PLA2R1: variants seen among roughly 807,000 people sequenced by gnomAD.
The protein encoded by PLA2R1 is phospholipase A2 receptor 1.
Under a neutral mutation model 195.9 loss-of-function variants are expected in PLA2R1, and 158 were observed. The ratio of observed to expected loss-of-function variants is 0.81; its 90% CI spans 0.71 to 0.92. PLA2R1 has a LOEUF of 0.92. Among genes scored for constraint, PLA2R1 ranks in the 40% least tolerant of loss-of-function variants. PLA2R1 has a pLI of 0.00. For synonymous variants in PLA2R1, 586 were observed against 598.2 expected, an observed-to-expected ratio of 0.98 and a Z score of 0.30; for missense variants, 1,626 against 1,764.6, an observed-to-expected ratio of 0.92 and a Z score of 1.41.
intron 10 of PLA2R1, among the ~76,000 whole-genome samples, chr2:160,009,746 AGTG>A (rs1342811721): frequency 6.6e-6 from 1 of 152,148 alleles, no homozygotes; most frequent in Admixed American, 6.5e-5. Context: ...TAACTGCAAA[AGTG>A]TTTTGGGGAG....
chr2:159,954,022 C>T (rs529304865), intron 23 of PLA2R1, among the ~76,000 whole-genome samples: 41 of 152,160 alleles, frequency 2.7e-4, no homozygotes, highest in African/African-American at 9.6e-4. Flanking sequence ...TTAGTAGAGA[C>T]GGGGTTTCAC....
At chr2:159,975,852 A>G (rs1316039383) in intron 17 of PLA2R1, among the ~76,000 whole-genome samples, 1 of 152,188 alleles carries the variant, frequency 6.6e-6, no homozygotes, top group African/African-American at 2.4e-5. Context: ...GAAATGACTG[A>G]GCAATACAGT....
At chr2:159,983,023 A>T (rs532166671) in intron 13 of PLA2R1, among the ~76,000 whole-genome samples, 1 of 152,318 alleles carries the variant, frequency 6.6e-6, no homozygotes, top group Non-Finnish European at 1.5e-5. Flanking sequence ...TGACAAGAAC[A>T]TTCCAAAGTG....
Position 160,005,728 on chromosome 2 carries a change from C to G in PLA2R1, c.1758G>C (p.Thr586=). 2 of 1,613,560 alleles carry G rather than the reference C, an allele frequency of 1.2e-6. No individual in the cohort carries two copies. The highest frequency in any genetic ancestry group is 1.7e-6 in the Non-Finnish European group (2 of 1,179,550). Residue 586 remains threonine (T), a synonymous_variant, in exon 11 of 30, where the codon ACG becomes ACC. Transcript: ENST00000283243. The part of the protein sequence containing the change: ...FWIALQDQND[T]GEYTWKPVGQ... ...CTACTGGCTTCCAAGTGTATTCTCC[C>G]GTATCATTTTGGTCCTGAAGAGCTA...
Position 159,951,417 on chromosome 2 carries a change from G to A in PLA2R1, c.3463C>T (p.Gln1155Ter). ...ACAGTGAGGAAGGACTGGTGATACT[G>A]GTCTGTGATGCTGACCAGTTGTGCT... ...HKAQLVSITD[Q>*]YHQSFLTVVL... is the part of the protein sequence containing the mutation. The change falls in exon 24 of 30, where the codon CAG becomes TAG. Residue 1155 changes from glutamine (Q) to a stop codon, truncating the protein, a stop_gained. Coordinates refer to ENST00000283243, the MANE Select transcript of PLA2R1 (RefSeq NM_007366.5). LOFTEE classifies it high-confidence loss of function. The A allele has an allele frequency of 4.3e-6, 7 of 1,613,854 alleles. No individual in the cohort carries two copies. The highest frequency in any genetic ancestry group is 5.9e-6 in the Non-Finnish European group (7 of 1,179,814).
rs577584918 is a variant in PLA2R1 at position 159,964,452 on chromosome 2, T to C, written c.2904+3087A>G. On this transcript the variant is annotated intron_variant, in intron 20 of 29. Transcript: ENST00000283243. ...ATTGCCAAAGGTTTTAATAAAAGAC[T>C]TAGTAACACTCAGTGTCTTATTGAA... is the stretch of plus-strand genomic sequence containing the variant. Among the ~76,000 whole-genome samples, 5 of 152,324 alleles carry C rather than the reference T, an allele frequency of 3.3e-5. No homozygotes were observed. In the South Asian group the frequency reaches 1.0e-3, roughly 32 times the overall value.
At chr2:160,050,269 GC>G (rs74639526) in intron 1 of PLA2R1, among the ~76,000 whole-genome samples, 23,597 of 152,200 alleles carry the variant, frequency 0.16, 2,293 homozygotes, top group East Asian at 0.36. Flanking sequence ...CAGACTCTGA[GC>G]GGGGAGTGTG....
At chr2:160,031,432 G>A (rs1693842234) in intron 4 of PLA2R1, among the ~76,000 whole-genome samples, 1 of 152,160 alleles carries the variant, frequency 6.6e-6, no homozygotes, top group Admixed American at 6.5e-5. Flanking sequence ...AAAATAACCA[G>A]ATTACCAAAC....
rs1686636874 is a variant in PLA2R1 at position 159,932,680 on chromosome 2, T to C, written c.*9098A>G. ...AAGAAGGTAAAAAGTAAAGTTTAAATAATCTCTTAGAAGTAGGAACTCAAG... is the reference window on the plus strand; with the variant it reads ...AAGAAGGTAAAAAGTAAAGTTTAAACAATCTCTTAGAAGTAGGAACTCAAG... On this transcript the variant is annotated 3_prime_UTR_variant, in exon 30 of 30. Coordinates refer to ENST00000283243, the MANE Select transcript of PLA2R1 (RefSeq NM_007366.5). The C allele has an allele frequency of 6.6e-6, 1 of 152,168 alleles. No individual in the cohort carries two copies. Among genetic ancestry groups the C allele is most frequent in the Non-Finnish European group, 1.5e-5 (1 of 68,036 alleles). 9.4% of individuals were successfully genotyped at this position (152,168 alleles called of 1,614,324 possible). A position where few individuals can be genotyped will look rare whatever the true frequency, so the allele number is the denominator to read the frequency against.
intron 20 of PLA2R1, among the ~76,000 whole-genome samples, chr2:159,962,580 C>A (rs868819443): frequency 8.5e-5 from 13 of 152,348 alleles, no homozygotes; most frequent in African/African-American, 2.6e-4. Context: ...AAGACACATG[C>A]ACATGTTTGT....
rs71000325 is a variant in PLA2R1 at position 160,013,721 on chromosome 2, C to CTG, written c.1552-348_1552-347dup. Reference sequence around the variant, plus strand: ...TCTCTCTGTCTCTCTCTCTCTCTCTCTGTGTGTGTGTGTGTGTGTGTGTGT... The same window carrying CTG: ...TCTCTCTGTCTCTCTCTCTCTCTCTCTGTGTGTGTGTGTGTGTGTGTGTGTGT... On this transcript the variant is annotated intron_variant, in intron 9 of 29. Transcript: ENST00000283243. Among the ~76,000 whole-genome samples, 597 of 116,654 alleles carry CTG rather than the reference C, an allele frequency of 5.1e-3. 7 individuals carry two copies. The highest frequency in any genetic ancestry group is 0.032 in the South Asian group (112 of 3,538). The allele number at this position is 116,654 out of a possible 152,430, so 76.5% of individuals were successfully genotyped here.
intron 13 of PLA2R1, among the ~76,000 whole-genome samples, chr2:159,981,723 T>TA (rs1429540476): frequency 6.6e-6 from 1 of 152,188 alleles, no homozygotes; most frequent in African/African-American, 2.4e-5. Context: ...TTAAATATTT[T>TA]ATTTAAAGAC....
chr2:159,976,638 T>C (rs1318080347), intron 16 of PLA2R1, 47 bp downstream of exon 16: 13 of 1,156,686 alleles, frequency 1.1e-5, no homozygotes, highest in Non-Finnish European at 1.7e-5. Context: ...ACTTATATGG[T>C]ATATATTAAT....
intron 20 of PLA2R1, among the ~76,000 whole-genome samples, chr2:159,964,403 C>G (rs1382331019): frequency 6.6e-6 from 1 of 152,036 alleles, no homozygotes; most frequent in Non-Finnish European, 1.5e-5. Flanking sequence ...TTATTTAGGA[C>G]CATAAAGATG....
intron 14 of PLA2R1, among the ~76,000 whole-genome samples, chr2:159,977,959 A>T (rs954500207): frequency 2.0e-5 from 3 of 152,080 alleles, no homozygotes; most frequent in Non-Finnish European, 4.4e-5. Context: ...AATAAAAATT[A>T]AAAAAAGGTA....
intron 24 of PLA2R1, among the ~76,000 whole-genome samples, chr2:159,950,630 A>G (rs62176718): frequency 0.019 from 2,849 of 152,298 alleles, 44 homozygotes; most frequent in Middle Eastern, 0.041. Flanking sequence ...TATTAAATTA[A>G]AAAGCAAGTT....
intron 20 of PLA2R1, among the ~76,000 whole-genome samples, chr2:159,958,056 T>C (rs976411619): frequency 6.6e-6 from 1 of 152,196 alleles, no homozygotes; most frequent in African/African-American, 2.4e-5. Flanking sequence ...TGAAATGATA[T>C]CTGATATAGT....
chr2:160,018,433 G>A (rs1296331557), intron 8 of PLA2R1, among the ~76,000 whole-genome samples: 1 of 152,194 alleles, frequency 6.6e-6, no homozygotes, highest in Non-Finnish European at 1.5e-5. Context: ...CCAGGAGTCT[G>A]AGACCAGCAT....
chr2:160,033,163 G>A (rs747057449), intron 3 of PLA2R1, 31 bp from the exon 4 acceptor site: 13 of 1,552,078 alleles, frequency 8.4e-6, no homozygotes, highest in Non-Finnish European at 1.1e-5. Context: ...AAACAACCAG[G>A]TCTTATTTTA....
Sources: gnomAD v4.1 joint callset for allele counts (sites outside exome capture counted in the v4.1 genomes callset) on GRCh38, gnomAD v4.1.1 for gene constraint, MANE v1.5 for transcripts, NCBI Gene and HGNC (gene_info 2026-07-23, HGNC 2026-07-21) for gene names.